Variants in UBR4 observed in about 807,000 individuals in gnomAD.
The protein encoded by UBR4 is ubiquitin protein ligase E3 component n-recognin 4.
UBR4 carries 124 observed loss-of-function variants against 575.6 expected under a neutral mutation model. The ratio of observed to expected loss-of-function variants is 0.22; its 90% CI spans 0.19 to 0.25. The LOEUF (loss-of-function observed/expected upper bound fraction) is 0.25. Among genes scored for constraint, UBR4 ranks in the 10% least tolerant of loss-of-function variants. The pLI, the probability that UBR4 is intolerant of heterozygous loss-of-function variation, is 1.00. For synonymous variants in UBR4, 2,455 were observed against 2,473.7 expected, an observed-to-expected ratio of 0.99 and a Z score of 0.22; for missense variants, 4,818 against 6,478.8, an observed-to-expected ratio of 0.74 and a Z score of 8.80.
At chr1:19,178,928 C>T in intron 18 of UBR4, 123 bp downstream of exon 18, 1 of 1,236,088 alleles carries the variant, frequency 8.1e-7, no homozygotes, top group Non-Finnish European at 1.1e-6. Flanking sequence ...CCTCTTCTAC[C>T]CTCCCCACTC....
intron 75 of UBR4, 80 bp downstream of exon 75, chr1:19,114,731 A>AAGTGC: frequency 6.5e-7 from 1 of 1,540,956 alleles, no homozygotes; most frequent in Non-Finnish European, 8.8e-7. Context: ...CTAGAAAGTA[A>AAGTGC]AGTGCACTGC....
intron 25 of UBR4, 147 bp from the exon 26 acceptor site, chr1:19,171,030 A>T: frequency 5.3e-6 from 6 of 1,126,498 alleles, no homozygotes; most frequent in Non-Finnish European, 6.2e-6. Context: ...CCTGGTCTCT[A>T]AGAATTCCAA....
Position 19,170,809 on chromosome 1 carries a change from G to A in UBR4, c.3596C>T (p.Ala1199Val). 1 of 1,614,194 alleles carries A rather than the reference G, an allele frequency of 6.2e-7. No individual in the cohort carries two copies. Among genetic ancestry groups the A allele is most frequent in the Middle Eastern group, 1.6e-4 (1 of 6,062 alleles). The change falls in exon 26 of 106, where the codon GCT (alanine) becomes GTT (valine). Residue 1199 changes from alanine (A) to valine (V), a missense_variant. Ala to Val is a moderately conservative substitution (Grantham distance 64). Around this residue, in one of 29 missense-constraint regions of UBR4, gnomAD observed 1,172 missense variants for 1,259.7 expected, o/e 0.93. Coordinates refer to ENST00000375254, the MANE Select transcript of UBR4 (RefSeq NM_020765.3). ...KPSKEKLQGF[A>V]AVLAIGSSRC... is the part of the protein sequence containing the mutation. ...GCTAGAGCCAATAGCCAAAACAGCA[G>A]CAAAGCCTTGCAGTTTCTCCTTGGA...
chr1:19,185,629 A>C (rs1318166222), intron 14 of UBR4, among the ~76,000 whole-genome samples: 3 of 143,064 alleles, frequency 2.1e-5, no homozygotes, highest in African/African-American at 8.0e-5. Flanking sequence ...GCTGGAGTGC[A>C]GTGGTGCAAT....
At chr1:19,114,704 G>T in intron 75 of UBR4, 107 bp downstream of exon 75, 1 of 1,441,942 alleles carries the variant, frequency 6.9e-7, no homozygotes. Flanking sequence ...CTGGTGTTGA[G>T]TCGAAGAAGG....
chr1:19,098,000 G>A (rs903480585), intron 90 of UBR4, among the ~76,000 whole-genome samples: 11 of 152,202 alleles, frequency 7.2e-5, no homozygotes, highest in Non-Finnish European at 1.3e-4. Context: ...GTCTGGCACT[G>A]AGCACATATA....
intron 42 of UBR4, 22 bp downstream of exon 42, chr1:19,156,249 C>A (rs1468802618): frequency 1.2e-6 from 2 of 1,611,628 alleles, no homozygotes; most frequent in Non-Finnish European, 1.7e-6. Context: ...AGGACCATAT[C>A]ATCAAAGAAC....
rs138029593 is a variant in UBR4 at position 19,110,825 on chromosome 1, G to C, written c.11809C>G (p.Pro3937Ala). The C allele has an allele frequency of 6.8e-6, 11 of 1,613,914 alleles. No homozygotes were observed. In the South Asian group the frequency reaches 7.7e-5, roughly 11 times the overall value. ...TCATTCATCTGTTGGGTGGCTTCTG[G>C]GTTGTCTCTGCAGAAGCAAATAGAA... ...QLMCLLTRDN[P>A]EATQQMNDLI... Residue 3937 changes from proline (P) to alanine (A), a missense_variant, in exon 79 of 106, where the codon CCA becomes GCA. Pro to Ala is a conservative substitution (Grantham distance 27). Around this residue, in one of 29 missense-constraint regions of UBR4, gnomAD observed 333 missense variants for 459.2 expected, o/e 0.73. Transcript: ENST00000375254. This position sits in a 1 kb window ranked among gnomAD's most constrained non-coding sequence, Gnocchi z 4.5.
intron 60 of UBR4, among the ~76,000 whole-genome samples, chr1:19,136,973 A>T (rs999450057): frequency 6.7e-6 from 1 of 150,230 alleles, no homozygotes; most frequent in East Asian, 1.9e-4. Flanking sequence ...TGCATCAGGC[A>T]CCATTTTTTT....
Position 19,110,503 on chromosome 1 carries a change from A to G in UBR4, c.11893-39T>C, listed in dbSNP as rs2149280118. On this transcript the variant is annotated intron_variant, in intron 79 of 105. Coordinates refer to ENST00000375254, the MANE Select transcript of UBR4 (RefSeq NM_020765.3). This position sits in a 1 kb window ranked among gnomAD's most constrained non-coding sequence, Gnocchi z 4.5. ...GGAAGAGACATGAGTCAAGAGGGTC[A>G]GCTCCGGTCCAGCGACTCTTAACTA... The G allele has an allele frequency of 6.3e-7, 1 of 1,599,314 alleles. No homozygotes were observed. Among genetic ancestry groups the G allele is most frequent in the East Asian group, 2.2e-5 (1 of 44,790 alleles).
Position 19,152,467 on chromosome 1 carries a change from G to A in UBR4, c.6842C>T (p.Thr2281Met), listed in dbSNP as rs368120030. 9.9e-5 allele frequency: 159 copies of A among 1,613,908 alleles called. 6 individuals are homozygous for A. The South Asian group carries it at 1.5e-3, about 16-fold the overall frequency. Residue 2281 changes from threonine to methionine, a missense_variant, in exon 47 of 106, where the codon ACG (threonine) becomes ATG (methionine). Physicochemically the swap from Thr to Met is moderately conservative, Grantham distance 81. Transcript: ENST00000375254. The surrounding 1 kb of genome is among the most constrained non-coding windows in gnomAD (Gnocchi z 4.4). ...AATGGGGAAAGTCACCTGGCTAGAC[G>A]TGCGGGTTGCTGCAGAGAACGGTAC... ...KRKTATITTR[T>M]SSQVTFPIDF...
intron 92 of UBR4, 171 bp from the exon 93 acceptor site, chr1:19,095,823 G>A: frequency 1.7e-6 from 1 of 583,648 alleles, no homozygotes; most frequent in Non-Finnish European, 3.1e-6. Context: ...GAGATGGCTG[G>A]GCTCTCACAT....
rs1400920488 is a variant in UBR4 at position 19,198,667 on chromosome 1, T to C, written c.522A>G (p.Lys174=). Residue 174 remains lysine (K), a synonymous_variant, in exon 5 of 106, where the codon AAA becomes AAG. Transcript: ENST00000375254. ...VKTLSDVEDQ[K]ELASPVSPEL... is the part of the protein sequence containing the mutation. ...CAGGGCTTACTGGTGAGGCCAGCTCTTTCTGATCTTCCACTGTAAAATACA... is the reference window on the plus strand; with the variant it reads ...CAGGGCTTACTGGTGAGGCCAGCTCCTTCTGATCTTCCACTGTAAAATACA... The C allele has an allele frequency of 6.2e-7, 1 of 1,614,058 alleles. No homozygotes were observed. The highest frequency in any genetic ancestry group is 8.5e-7 in the Non-Finnish European group (1 of 1,179,966).
At chr1:19,125,922 C>A (rs1427301676) in intron 64 of UBR4, among the ~76,000 whole-genome samples, 2 of 152,136 alleles carry the variant, frequency 1.3e-5, no homozygotes, top group Non-Finnish European at 2.9e-5. Context: ...TCACAACAGC[C>A]CTGTAAAGCA....
At chr1:19,143,310 G>A in intron 55 of UBR4, among the ~76,000 whole-genome samples, 1 of 129,742 alleles carries the variant, frequency 7.7e-6, no homozygotes, top group Non-Finnish European at 1.7e-5. Flanking sequence ...AAGAAAGAAA[G>A]AAAGAAAGAA....
rs151316702 is a variant in UBR4 at position 19,114,060 on chromosome 1, T to C, written c.11213A>G (p.Asn3738Ser). ...AGCTTTGTCCAAAAGTGTATTGATGTTGGATACAGCCTAGACAGGAAAAGA... is the reference window on the plus strand; with the variant it reads ...AGCTTTGTCCAAAAGTGTATTGATGCTGGATACAGCCTAGACAGGAAAAGA... ...NEEDRKKAVS[N>S]INTLLDKADR... Residue 3738 changes from asparagine (N) to serine (S), a missense_variant, in exon 76 of 106, where the codon AAC (asparagine) becomes AGC (serine). Coordinates refer to ENST00000375254, the MANE Select transcript of UBR4 (RefSeq NM_020765.3). 6.6e-5 allele frequency: 106 copies of C among 1,613,578 alleles called. No homozygotes were observed. The highest frequency in any genetic ancestry group is 1.7e-5 in the Admixed American group (1 of 59,998).
In UBR4 at chr1:19,194,524, G is replaced by A. The variant is rs183360102; in HGVS notation, c.1019-967C>T. On this transcript the variant is annotated intron_variant, in intron 8 of 105. Transcript: ENST00000375254. ...GTAATAAAAATAAATAATTAAGGCT[G>A]GGCGCGGTGGCTCACGCCTGTAATC... Among the ~76,000 whole-genome samples, 47 of 152,256 alleles carry A rather than the reference G, an allele frequency of 3.1e-4. 1 individual carries two copies. The East Asian group carries it at 7.0e-3, about 23-fold the overall frequency.
intron 35 of UBR4, among the ~76,000 whole-genome samples, 198 bp from the exon 36 acceptor site, chr1:19,162,095 T>C (rs1346337547): frequency 6.6e-6 from 1 of 152,166 alleles, no homozygotes; most frequent in African/African-American, 2.4e-5. Flanking sequence ...TAGGGGTTTG[T>C]GGTTAAGAAA....
chr1:19,162,076 G>A (rs2087468769), intron 35 of UBR4, among the ~76,000 whole-genome samples, 179 bp from the exon 36 acceptor site: 1 of 152,240 alleles, frequency 6.6e-6, no homozygotes, highest in African/African-American at 2.4e-5. Context: ...CTTCAGGTGA[G>A]TGAGATCTTA....
Sources: allele counts gnomAD v4.1 joint callset (sites outside exome capture counted in the v4.1 genomes callset), GRCh38; gene constraint gnomAD v4.1.1; regional missense constraint gnomAD v4.1.1; non-coding constraint Gnocchi (gnomAD v3.1); transcripts MANE v1.5; gene names NCBI Gene and HGNC (gene_info 2026-07-23, HGNC 2026-07-21).